KIAA1958: variants seen among roughly 807,000 people sequenced by gnomAD.
KIAA1958 encodes KIAA1958, also known as uncharacterized protein KIAA1958.
In KIAA1958, 14 loss-of-function variants were observed where a neutral mutation model predicts 47.2. That is an observed-to-expected ratio of 0.30 (90% CI 0.20 to 0.46). The LOEUF (loss-of-function observed/expected upper bound fraction) is 0.46, where lower values mean the gene tolerates loss of function less well. Among genes scored for constraint, KIAA1958 ranks in the 20% least tolerant of loss-of-function variants. The pLI is 1.00. For synonymous variants in KIAA1958, 354 were observed against 353.3 expected (o/e 1.00, Z -0.02); for missense variants, 803 against 909.2 (o/e 0.88, Z 1.50).
intron 1 of KIAA1958, among the ~76,000 whole-genome samples, chr9:112,571,396 C>T (rs76583250): frequency 9.9e-4 from 150 of 152,240 alleles, no homozygotes; most frequent in Non-Finnish European, 1.8e-3. Context: ...TTTGATCTTT[C>T]GGGATTTCAA....
chr9:112,596,046 A>G (rs967191689), intron 2 of KIAA1958, among the ~76,000 whole-genome samples: 10 of 152,178 alleles, frequency 6.6e-5, no homozygotes, highest in African/African-American at 2.2e-4. Flanking sequence ...CCGCCTCCCA[A>G]AGTGCTGGGA....
intron 1 of KIAA1958, among the ~76,000 whole-genome samples, chr9:112,493,840 A>G (rs1834010926): frequency 6.6e-6 from 1 of 152,238 alleles, no homozygotes; most frequent in African/African-American, 2.4e-5. Context: ...ATCTTTAAAA[A>G]TGTTACTCTC....
intron 2 of KIAA1958, among the ~76,000 whole-genome samples, chr9:112,588,494 C>G (rs565115842): frequency 6.6e-6 from 1 of 152,212 alleles, no homozygotes; most frequent in African/African-American, 2.4e-5. Context: ...ATTTTATGTT[C>G]CGCAAAGAAA....
intron 2 of KIAA1958, among the ~76,000 whole-genome samples, chr9:112,624,699 T>C (rs960174041): frequency 2.6e-5 from 4 of 152,230 alleles, no homozygotes; most frequent in Admixed American, 6.5e-5. Flanking sequence ...TTTAATGGCA[T>C]TTTAATACAC....
In KIAA1958 at chr9:112,506,316, C is replaced by T. The variant is rs192420030; in HGVS notation, c.-25+19198C>T. ...CTAAAAATACAAAAAATTAGCTGGG[C>T]GTGTTGGCGGGCGCCTGTAGTCCCA... On this transcript the variant is annotated intron_variant, in intron 1 of 3. Coordinates refer to ENST00000337530, the MANE Select transcript of KIAA1958 (RefSeq NM_133465.4). Among the ~76,000 whole-genome samples, 413 of 152,058 alleles carry T rather than the reference C, an allele frequency of 2.7e-3. 2 individuals carry two copies. The highest frequency in any genetic ancestry group is 9.5e-3 in the African/African-American group (393 of 41,464).
chr9:112,508,439 T>C (rs1346209431), intron 1 of KIAA1958, among the ~76,000 whole-genome samples: 2 of 152,360 alleles, frequency 1.3e-5, no homozygotes, highest in East Asian at 3.9e-4. Flanking sequence ...GAATTCATTA[T>C]GTCAAGCATT....
Position 112,486,872 on chromosome 9 carries a change from G to A in KIAA1958, c.-271G>A, listed in dbSNP as rs1256825547. 7.0e-6 allele frequency: 1 copy of A among 142,538 alleles called. No individual in the cohort carries two copies. Among genetic ancestry groups the A allele is most frequent in the Non-Finnish European group, 1.6e-5 (1 of 64,232 alleles). 8.8% of individuals were successfully genotyped at this position (142,538 alleles called of 1,614,324 possible). A position where few individuals can be genotyped will look rare whatever the true frequency, so the allele number is the denominator to read the frequency against. The stretch of plus-strand genomic sequence containing the variant: ...TCCGAGCCGGGCGCGCGGAGCTCGG[G>A]GCGCACGGAGCGGCGCGCGGCGGTC... On this transcript the variant is annotated 5_prime_UTR_variant, in exon 1 of 4. Coordinates refer to ENST00000337530, the MANE Select transcript of KIAA1958 (RefSeq NM_133465.4).
In KIAA1958 at chr9:112,659,855, T is replaced by G; in HGVS notation, c.1937T>G (p.Met646Arg). 6.2e-7 allele frequency: 1 copy of G among 1,614,010 alleles called. No individual in the cohort carries two copies. The highest frequency in any genetic ancestry group is 8.5e-7 in the Non-Finnish European group (1 of 1,179,966). The change falls in exon 4 of 4, where the codon ATG (methionine) becomes AGG (arginine). Residue 646 changes from methionine to arginine, a missense_variant. By Grantham distance (91) the Met-to-Arg change is moderately conservative. Transcript: ENST00000337530. Reference protein sequence around the residue: ...YMYIHRPPTQMEAKSPFYLTA... With the variant: ...YMYIHRPPTQREAKSPFYLTA... ...TACATCCACCGGCCGCCCACCCAAA[T>G]GGAGGCCAAGTCCCCCTTCTACCTG...
Position 112,496,099 on chromosome 9 carries a change from A to G in KIAA1958, c.-25+8981A>G, listed in dbSNP as rs116832712. 4.0e-3 allele frequency among the ~76,000 whole-genome samples: 615 copies of G among 152,354 alleles called. 5 individuals carry two copies. The highest frequency in any genetic ancestry group is 0.014 in the African/African-American group (594 of 41,592). On this transcript the variant is annotated intron_variant, in intron 1 of 3. Transcript: ENST00000337530. Reference sequence around the variant, plus strand: ...AGAGGAGGAACTACCCAGAAAACATAGAATTGTGAGAAATAAGAAATTGTT... The same window carrying G: ...AGAGGAGGAACTACCCAGAAAACATGGAATTGTGAGAAATAAGAAATTGTT...
At chr9:112,642,841 A>T (rs1038045385) in intron 2 of KIAA1958, among the ~76,000 whole-genome samples, 1 of 152,230 alleles carries the variant, frequency 6.6e-6, no homozygotes, top group Admixed American at 6.5e-5. Flanking sequence ...CATAAATATA[A>T]TCATGAACGA....
chr9:112,579,655 TTG>T (rs555231687), intron 2 of KIAA1958, among the ~76,000 whole-genome samples: 157 of 152,350 alleles, frequency 1.0e-3, no homozygotes, highest in Middle Eastern at 3.4e-3. Flanking sequence ...TTTATGGTGA[TTG>T]TATTTTATAC....
At chr9:112,567,492 A>G (rs573055830) in intron 1 of KIAA1958, among the ~76,000 whole-genome samples, 1 of 152,298 alleles carries the variant, frequency 6.6e-6, no homozygotes, top group South Asian at 2.1e-4. Context: ...AACTAAGGGG[A>G]AAAGGTAAAA....
At chr9:112,590,560 C>T (rs185732065) in intron 2 of KIAA1958, among the ~76,000 whole-genome samples, 10 of 152,176 alleles carry the variant, frequency 6.6e-5, no homozygotes, top group Admixed American at 2.0e-4. Context: ...CTGTGTTCGC[C>T]AGACTGGTCT....
intron 2 of KIAA1958, among the ~76,000 whole-genome samples, chr9:112,625,932 C>G (rs976780448): frequency 2.0e-5 from 3 of 152,150 alleles, no homozygotes; most frequent in African/African-American, 7.2e-5. Context: ...AGATTATGAA[C>G]AAAAATACAT....
At position 112,661,116 on chromosome 9, in the gene KIAA1958, G is replaced by A. The variant is rs1200369028; in HGVS notation, c.*1047G>A. 6.6e-6 allele frequency: 1 copy of A among 152,188 alleles called. No individual in the cohort carries two copies. The highest frequency in any genetic ancestry group is 2.4e-5 in the African/African-American group (1 of 41,448). 9.4% of individuals were successfully genotyped at this position (152,188 alleles called of 1,614,324 possible). On this transcript the variant is annotated 3_prime_UTR_variant, in exon 4 of 4. Transcript: ENST00000337530. ...AGAGATTTGGAATATTTTTGTCAAT[G>A]TATGACTTTTCAGCCACAATTACAT...
intron 2 of KIAA1958, among the ~76,000 whole-genome samples, chr9:112,623,646 C>T (rs746828513): frequency 2.6e-5 from 4 of 152,174 alleles, no homozygotes; most frequent in Non-Finnish European, 5.9e-5. Flanking sequence ...TCCCTGGTTA[C>T]CAGCAGAGAG....
Position 112,660,360 on chromosome 9 carries a change from AGTG to A in KIAA1958, c.*292_*294del. 1 of 385,538 alleles carries A rather than the reference AGTG, an allele frequency of 2.6e-6. No individual in the cohort carries two copies. The highest frequency in any genetic ancestry group is 4.7e-6 in the Non-Finnish European group (1 of 213,190). 23.9% of individuals were successfully genotyped at this position (385,538 alleles called of 1,614,324 possible). ...AAGAGTGAGGAAATTCATTTTCTCT[AGTG>A]CCTTTCTAGCACAGGTTTTCTCAAA... On this transcript the variant is annotated 3_prime_UTR_variant, in exon 4 of 4. Coordinates refer to ENST00000337530, the MANE Select transcript of KIAA1958 (RefSeq NM_133465.4).
intron 1 of KIAA1958, among the ~76,000 whole-genome samples, chr9:112,534,462 C>T (rs941273083): frequency 6.6e-6 from 1 of 151,890 alleles, no homozygotes; most frequent in African/African-American, 2.4e-5. Flanking sequence ...ATTTTGTGAG[C>T]ATTCGTTGAT....
At chr9:112,640,905 TC>T (rs1433295026) in intron 2 of KIAA1958, among the ~76,000 whole-genome samples, 8 of 152,224 alleles carry the variant, frequency 5.3e-5, no homozygotes, top group Non-Finnish European at 8.8e-5. Flanking sequence ...ATTAACCAGT[TC>T]TACCTTTTGC....
Sources: gnomAD v4.1 joint callset for allele counts (sites outside exome capture counted in the v4.1 genomes callset) on GRCh38, gnomAD v4.1.1 for gene constraint, MANE v1.5 for transcripts, NCBI Gene and HGNC (gene_info 2026-07-23, HGNC 2026-07-21) for gene names.